SLC16A12: variants seen among roughly 807,000 people sequenced by gnomAD.
The protein encoded by SLC16A12 is monocarboxylate transporter 12.
A neutral mutation model predicts 42.4 loss-of-function variants in SLC16A12; 17 were observed. That is an observed-to-expected ratio of 0.40 (90% confidence interval 0.27 to 0.60). SLC16A12 has a LOEUF of 0.60. SLC16A12 is among the 20% of genes least tolerant of loss of function. The pLI, the probability that SLC16A12 is intolerant of heterozygous loss-of-function variation, is 0.42. For synonymous variants in SLC16A12, 224 were observed against 229.4 expected (o/e 0.98, Z 0.21); for missense variants, 544 against 623.0 (o/e 0.87, Z 1.35).
rs1564607083 is a variant in SLC16A12, at chr10:89,554,044, GAAA to G, written c.-47+1835_-47+1837del. Among the ~76,000 whole-genome samples the G allele has an allele frequency of 9.0e-3, 450 of 50,026 alleles. 26 individuals are homozygous for G. The highest frequency in any genetic ancestry group is 0.035 in the African/African-American group (434 of 12,336). 32.8% of individuals were successfully genotyped at this position (50,026 alleles called of 152,430 possible). On this transcript the variant is annotated intron_variant, in intron 2 of 2. Coordinates refer to the SLC16A12 transcript ENST00000475682. ...AGAAAGAGAGAAAGGAAGAAAGAAA[GAAA>G]GAAAGAAAGAAAGAAAGAAAGAAAG...
chr10:89,555,272 G>A (rs12267736), intron 2 of SLC16A12, among the ~76,000 whole-genome samples: 15,819 of 151,376 alleles, frequency 0.1, 865 homozygotes, highest in Middle Eastern at 0.13. Context: ...AACCTGTTGA[G>A]TAGCAGGCAC....
intron 7 of SLC16A12, among the ~76,000 whole-genome samples, chr10:89,435,495 G>A (rs1186170806): frequency 6.6e-6 from 1 of 151,980 alleles, no homozygotes; most frequent in Non-Finnish European, 1.5e-5. Flanking sequence ...CTATTAGAAT[G>A]GAATCTTAGC....
At chr10:89,473,430 C>T (rs963749337) in intron 2 of SLC16A12, among the ~76,000 whole-genome samples, 8 of 151,942 alleles carry the variant, frequency 5.3e-5, no homozygotes, top group South Asian at 4.2e-4. Context: ...AACATGTAAA[C>T]GTAAAAGAAA....
In SLC16A12 at chr10:89,432,001, T is replaced by C. The variant is rs74146950; in HGVS notation, c.*1063A>G. ...GGATAATATTTTTCAGACAACTGAC[T>C]CCCTCCAATCCTCTTTTGGGTAATG... On this transcript the variant is annotated 3_prime_UTR_variant, in exon 8 of 8. Transcript: ENST00000371790. 6,770 of 152,568 alleles carry C rather than the reference T, an allele frequency of 0.044. 238 individuals carry two copies. The highest frequency in any genetic ancestry group is 0.13 in the South Asian group (640 of 4,820). 9.5% of individuals were successfully genotyped at this position (152,568 alleles called of 1,614,324 possible).
At chr10:89,492,041 A>G (rs565505297) in intron 2 of SLC16A12, among the ~76,000 whole-genome samples, 1 of 152,370 alleles carries the variant, frequency 6.6e-6, no homozygotes, top group South Asian at 2.1e-4. Flanking sequence ...TTCATGGATA[A>G]TATCAAAATA....
At chr10:89,490,731 G>A (rs908939185) in intron 2 of SLC16A12, among the ~76,000 whole-genome samples, 1 of 152,122 alleles carries the variant, frequency 6.6e-6, no homozygotes, top group Non-Finnish European at 1.5e-5. Flanking sequence ...GCTTCATTAA[G>A]TTAGCATGAT....
intron 2 of SLC16A12, among the ~76,000 whole-genome samples, chr10:89,541,715 C>T (rs1377105480): frequency 1.3e-5 from 2 of 152,200 alleles, no homozygotes; most frequent in East Asian, 3.8e-4. Flanking sequence ...GTGGGGCTCC[C>T]CTGTGCATTG....
chr10:89,454,926 G>A (rs1001615438), intron 3 of SLC16A12, among the ~76,000 whole-genome samples: 1 of 151,724 alleles, frequency 6.6e-6, no homozygotes, highest in African/African-American at 2.4e-5. Context: ...TCATATACTT[G>A]GTGTTCATAA....
chr10:89,519,734 G>A (rs980198249), intron 2 of SLC16A12, among the ~76,000 whole-genome samples: 2 of 151,968 alleles, frequency 1.3e-5, no homozygotes, highest in Non-Finnish European at 2.9e-5. Flanking sequence ...CATTGCAGGG[G>A]GTGGGGGGGT....
intron 2 of SLC16A12, among the ~76,000 whole-genome samples, chr10:89,481,762 T>C (rs1842667791): frequency 6.6e-6 from 1 of 151,958 alleles, no homozygotes; most frequent in African/African-American, 2.4e-5. Context: ...AAAAATTGTT[T>C]TCCTTTTACA....
upstream of SLC16A12, among the ~76,000 whole-genome samples, chr10:89,539,906 T>TTTCTTTCTTTCTTTC (rs1843703645): frequency 1.4e-5 from 2 of 145,506 alleles, no homozygotes; most frequent in African/African-American, 5.3e-5. Flanking sequence ...TCTTTCTTTC[T>TTTCTTTCTTTCTTTC]TTCTTTTTTC....
chr10:89,439,254 T>C, intron 5 of SLC16A12, 71 bp from the exon 6 acceptor site: 2 of 1,457,840 alleles, frequency 1.4e-6, no homozygotes, highest in Non-Finnish European at 1.9e-6. Flanking sequence ...AATACAATGA[T>C]TTATATTAAA....
intron 4 of SLC16A12, among the ~76,000 whole-genome samples, chr10:89,442,222 G>A (rs1388147073): frequency 6.6e-6 from 1 of 152,216 alleles, no homozygotes; most frequent in Non-Finnish European, 1.5e-5. Context: ...TCTGTTCCCA[G>A]TGGGTGTCCC....
intron 2 of SLC16A12, among the ~76,000 whole-genome samples, chr10:89,549,750 G>C (rs1843760090): frequency 6.6e-6 from 1 of 152,018 alleles, no homozygotes; most frequent in Non-Finnish European, 1.5e-5. Context: ...AGCCATTCTG[G>C]TCTACATCTG....
intron 2 of SLC16A12, among the ~76,000 whole-genome samples, chr10:89,482,236 CAAAAA>C (rs368466973): frequency 3.8e-5 from 4 of 106,502 alleles, no homozygotes; most frequent in African/African-American, 1.4e-4. Context: ...AAGAATACAC[CAAAAA>C]AAAAAAAAAA....
At chr10:89,444,578 A>G (rs1433578256) in intron 3 of SLC16A12, among the ~76,000 whole-genome samples, 1 of 152,256 alleles carries the variant, frequency 6.6e-6, no homozygotes, top group Non-Finnish European at 1.5e-5. Context: ...GTTAGTTACC[A>G]AACAGTTCAT....
intron 2 of SLC16A12, among the ~76,000 whole-genome samples, chr10:89,518,253 C>G (rs1022916737): frequency 6.6e-6 from 1 of 152,178 alleles, no homozygotes; most frequent in African/African-American, 2.4e-5. Context: ...AATAGCTCTC[C>G]TTTCCCAAAA....
intron 5 of SLC16A12, 47 bp from the exon 6 acceptor site, chr10:89,439,230 C>T (rs1204486910): frequency 1.3e-6 from 2 of 1,527,606 alleles, no homozygotes; most frequent in Non-Finnish European, 1.8e-6. Flanking sequence ...CATAAACAGC[C>T]AATGATATCT....
At chr10:89,492,537 G>C in intron 2 of SLC16A12, among the ~76,000 whole-genome samples, 1 of 152,014 alleles carries the variant, frequency 6.6e-6, no homozygotes, top group East Asian at 1.9e-4. Flanking sequence ...TCAGGAGTTC[G>C]AGACCAGCCT....
Sources: allele counts gnomAD v4.1 joint callset (sites outside exome capture counted in the v4.1 genomes callset), GRCh38; gene constraint gnomAD v4.1.1; transcripts MANE v1.5; gene names NCBI Gene and HGNC (gene_info 2026-07-23, HGNC 2026-07-21).